GALNT13: variants seen among roughly 807,000 people sequenced by gnomAD.
The protein encoded by GALNT13 is UDP-GalNAc:polypeptide N-acetylgalactosaminyltransferase 13.
GALNT13 carries 28 observed loss-of-function variants against 64.2 expected under a neutral mutation model. The observed-to-expected ratio is 0.44, with a 90% CI of 0.32 to 0.60. GALNT13 has a LOEUF of 0.60. Among genes scored for constraint, GALNT13 ranks in the 20% least tolerant of loss-of-function variants. The probability of loss-of-function intolerance (pLI) is 0.05; values close to 1 mark genes in which losing one functional copy is unlikely to be tolerated. For missense variants in GALNT13, 577 were observed against 669.8 expected, an observed-to-expected ratio of 0.86 and a Z score of 1.53; for synonymous variants, 214 against 224.6, an observed-to-expected ratio of 0.95 and a Z score of 0.42.
rs974128660 is a variant in GALNT13, at chr2:154,358,370, T to C, written c.1157-37621T>C. ...TTCACTAAATGAACTCAGATTTGGT[T>C]ACTCATACTAAATGCTCTGGCTAAA... is the stretch of plus-strand genomic sequence containing the variant. On this transcript the variant is annotated intron_variant, in intron 9 of 12. Coordinates refer to ENST00000392825, the MANE Select transcript of GALNT13 (RefSeq NM_052917.4). Among the ~76,000 whole-genome samples the C allele has an allele frequency of 2.0e-5, 3 of 152,106 alleles. 1 individual carries two copies. The East Asian group carries it at 5.8e-4, about 29-fold the overall frequency.
chr2:153,958,013 CTAAG>C (rs1292709175), intron 3 of GALNT13, among the ~76,000 whole-genome samples: 1 of 152,184 alleles, frequency 6.6e-6, no homozygotes, highest in Non-Finnish European at 1.5e-5. Context: ...CACATGTACT[CTAAG>C]TATTCCCTCA....
the GALNT13 span, among the ~76,000 whole-genome samples, chr2:153,088,336 T>C: frequency 1.3e-5 from 2 of 152,292 alleles, no homozygotes; most frequent in South Asian, 4.1e-4. Context: ...GTACTTGATA[T>C]AATTTAGATT....
chr2:153,257,462 C>G, the GALNT13 span, among the ~76,000 whole-genome samples: 1 of 152,072 alleles, frequency 6.6e-6, no homozygotes, highest in African/African-American at 2.4e-5. Context: ...CCTATTCAGC[C>G]ATCTTGGCTC....
At chr2:154,397,988 A>G (rs1475163616) in intron 10 of GALNT13, among the ~76,000 whole-genome samples, 3 of 152,330 alleles carry the variant, frequency 2.0e-5, no homozygotes, top group Non-Finnish European at 4.4e-5. Context: ...CACTGATCTC[A>G]CAGGGATTTA....
chr2:153,249,629 C>T, the GALNT13 span, among the ~76,000 whole-genome samples: 1 of 152,162 alleles, frequency 6.6e-6, no homozygotes, highest in East Asian at 1.9e-4. Flanking sequence ...TCAAACTATA[C>T]TACAAGTCTA....
At chr2:153,244,260 T>C in the GALNT13 span, among the ~76,000 whole-genome samples, 2 of 152,204 alleles carry the variant, frequency 1.3e-5, no homozygotes, top group Admixed American at 6.5e-5. Context: ...GAATGACTTA[T>C]GATGACCTGG....
At chr2:154,108,549 T>TAA (rs1702753968) in intron 3 of GALNT13, among the ~76,000 whole-genome samples, 1 of 152,176 alleles carries the variant, frequency 6.6e-6, no homozygotes, top group African/African-American at 2.4e-5. Flanking sequence ...TTCACACTGT[T>TAA]AATTGTCTTC....
chr2:153,777,174 A>G, the GALNT13 span, among the ~76,000 whole-genome samples: 3 of 150,678 alleles, frequency 2.0e-5, no homozygotes, highest in Non-Finnish European at 4.4e-5. Flanking sequence ...GTGGATAGTC[A>G]GGATTGTTTC....
At chr2:154,117,665 GA>G (rs916087366) in intron 3 of GALNT13, among the ~76,000 whole-genome samples, 6 of 152,170 alleles carry the variant, frequency 3.9e-5, no homozygotes, top group African/African-American at 1.4e-4. Context: ...ACAGAATAGA[GA>G]ACCCAGAAAT....
chr2:153,169,964 T>C, the GALNT13 span, among the ~76,000 whole-genome samples: 2 of 152,184 alleles, frequency 1.3e-5, no homozygotes, highest in African/African-American at 4.8e-5. Context: ...AAAATTAAGC[T>C]TGGGAATATG....
At chr2:153,834,663 A>G in the GALNT13 span, among the ~76,000 whole-genome samples, 1 of 152,284 alleles carries the variant, frequency 6.6e-6, no homozygotes, top group Admixed American at 6.5e-5. Flanking sequence ...CTCAAAACAT[A>G]TCTGAAAGTT....
chr2:154,436,868 G>A (rs1355771784), intron 11 of GALNT13: 2 of 152,114 alleles, frequency 1.3e-5, no homozygotes, highest in South Asian at 2.1e-4. Context: ...TTGAGAAAAT[G>A]TATAACCTTT....
At chr2:153,317,762 T>A in the GALNT13 span, among the ~76,000 whole-genome samples, 1 of 152,162 alleles carries the variant, frequency 6.6e-6, no homozygotes, top group African/African-American at 2.4e-5. Flanking sequence ...AATATTGTAT[T>A]AATAGTTATC....
intron 9 of GALNT13, among the ~76,000 whole-genome samples, chr2:154,356,746 G>T (rs1380775954): frequency 6.6e-6 from 1 of 151,622 alleles, no homozygotes; most frequent in Non-Finnish European, 1.5e-5. Context: ...TCTTTAAATT[G>T]ATTTTCAATC....
chr2:153,398,733 G>C, the GALNT13 span, among the ~76,000 whole-genome samples: 1 of 148,898 alleles, frequency 6.7e-6, no homozygotes, highest in African/African-American at 2.5e-5. Flanking sequence ...TTTGAGAAGT[G>C]TCTGTTCATG....
At chr2:153,875,836 A>T (rs1041845793) in intron 1 of GALNT13, among the ~76,000 whole-genome samples, 2 of 152,208 alleles carry the variant, frequency 1.3e-5, no homozygotes, top group Admixed American at 1.3e-4. Context: ...CACTTCATAT[A>T]GTTATGACCT....
At chr2:153,729,619 A>T in the GALNT13 span, among the ~76,000 whole-genome samples, 2 of 152,064 alleles carry the variant, frequency 1.3e-5, no homozygotes, top group African/African-American at 4.8e-5. Flanking sequence ...CCTATTTAAC[A>T]TAGTACTGGA....
the GALNT13 span, among the ~76,000 whole-genome samples, chr2:153,351,737 G>C: frequency 0.015 from 2,247 of 152,208 alleles, 65 homozygotes; most frequent in African/African-American, 0.051. Flanking sequence ...CATTGGCCTT[G>C]TTCACTTAGT....
At chr2:153,205,485 G>A in the GALNT13 span, among the ~76,000 whole-genome samples, 3 of 152,072 alleles carry the variant, frequency 2.0e-5, no homozygotes, top group African/African-American at 7.2e-5. Flanking sequence ...TTGAATAAAA[G>A]TTTTAATTTG....
Sources: gnomAD v4.1 joint callset for allele counts (sites outside exome capture counted in the v4.1 genomes callset) on GRCh38, gnomAD v4.1.1 for gene constraint, MANE v1.5 for transcripts, NCBI Gene and HGNC (gene_info 2026-07-23, HGNC 2026-07-21) for gene names.